The following BCCIP variants were observed in gnomAD, a reference collection of about 807,000 sequenced individuals.
BCCIP encodes BRCA2 and CDKN1A interacting protein, also known as BRCA2 and CDKN1A-interacting protein.
A neutral mutation model predicts 32.8 loss-of-function variants in BCCIP; 23 were observed. That is an observed-to-expected ratio of 0.70 (90% CI 0.51 to 0.99). The LOEUF (loss-of-function observed/expected upper bound fraction) is 0.99, where lower values mean the gene tolerates loss of function less well. Ranked by LOEUF, BCCIP falls within the 50% of genes least tolerant of loss-of-function variation. BCCIP has a pLI of 0.00. For synonymous variants in BCCIP, 144 were observed against 137.6 expected, an observed-to-expected ratio of 1.05 and a Z score of -0.33; for missense variants, 378 against 379.8, an observed-to-expected ratio of 1.00 and a Z score of 0.04.
In BCCIP at chr10:125,830,437, G is replaced by T. The variant is rs984237483; in HGVS notation, c.322-125G>T. 7.1e-5 allele frequency: 37 copies of T among 520,994 alleles called. No individual in the cohort carries two copies. The Middle Eastern group carries it at 1.5e-3, about 21-fold the overall frequency. The allele number at this position is 520,994 out of a possible 1,614,324, so 32.3% of individuals were successfully genotyped here. A position where few individuals can be genotyped will look rare whatever the true frequency, so the allele number is the denominator to read the frequency against. Reference sequence around the variant, plus strand: ...AAATACAATGCTTTCTAAGATGGCGGTGGTAAAACAAAGTTTTGCTTTTGA... The same window carrying T: ...AAATACAATGCTTTCTAAGATGGCGTTGGTAAAACAAAGTTTTGCTTTTGA... On this transcript the variant is annotated intron_variant, in intron 3 of 6. Coordinates refer to ENST00000278100, the MANE Select transcript of BCCIP (RefSeq NM_078468.3).
chr10:125,838,387 T>C (rs1226188514), downstream of BCCIP: 1 of 1,562,424 alleles, frequency 6.4e-7, no homozygotes, highest in East Asian at 2.3e-5. Context: ...TCCCGAGCAA[T>C]CTGAAAGGCA....
At chr10:125,842,354 C>T (rs562731569) in exon 7 of BCCIP, 5 of 165,200 alleles carry the variant, frequency 3.0e-5, no homozygotes, top group South Asian at 3.5e-4. Context: ...TACTGATCAG[C>T]GCATGTGTGT....
chr10:125,843,802 C>T (rs1854942869), downstream of BCCIP, among the ~76,000 whole-genome samples: 2 of 152,150 alleles, frequency 1.3e-5, no homozygotes, highest in South Asian at 2.1e-4. Context: ...TTCAGCCTGA[C>T]GCGCCCACCA....
downstream of BCCIP, among the ~76,000 whole-genome samples, chr10:125,844,079 T>G (rs1854949131): frequency 6.6e-6 from 1 of 152,148 alleles, no homozygotes; most frequent in Non-Finnish European, 1.5e-5. Flanking sequence ...TGGGGACCTT[T>G]GGACTAACCA....
At chr10:125,831,731 G>A (rs1854525173) in intron 5 of BCCIP, 124 bp downstream of exon 5, 1 of 879,224 alleles carries the variant, frequency 1.1e-6, no homozygotes, top group Non-Finnish European at 1.7e-6. Context: ...TGGGTTTAGT[G>A]TGAGGGGAGT....
chr10:125,827,940 C>G (rs1207104575), intron 3 of BCCIP, among the ~76,000 whole-genome samples: 2 of 142,606 alleles, frequency 1.4e-5, no homozygotes, highest in Admixed American at 1.5e-4. Context: ...GCACTCTAGC[C>G]GGGCAACACA....
downstream of BCCIP, chr10:125,836,954 C>G: frequency 1.0e-6 from 1 of 987,268 alleles, no homozygotes. Flanking sequence ...GAGAATCTAC[C>G]TGTAGAACCG....
At chr10:125,842,266 C>T (rs988825430) in exon 7 of BCCIP, 3 of 273,402 alleles carry the variant, frequency 1.1e-5, no homozygotes, top group Admixed American at 5.6e-5. Flanking sequence ...CCGGAACTCG[C>T]GGTCACAGTA....
downstream of BCCIP, chr10:125,836,589 A>C (rs1219467344): frequency 2.1e-6 from 3 of 1,454,800 alleles, no homozygotes; most frequent in Non-Finnish European, 2.8e-6. Context: ...CGTCCTGTGG[A>C]TGTGAAATCC....
downstream of BCCIP, chr10:125,840,865 G>C (rs1854857389): frequency 6.3e-7 from 1 of 1,595,352 alleles, no homozygotes; most frequent in African/African-American, 1.3e-5. Flanking sequence ...CTAGAATTCA[G>C]AGTTGTGTCT....
downstream of BCCIP, among the ~76,000 whole-genome samples, chr10:125,846,997 G>A (rs1369714897): frequency 2.0e-5 from 3 of 152,162 alleles, no homozygotes; most frequent in Non-Finnish European, 4.4e-5. Flanking sequence ...AGAGAGAAAT[G>A]CAGTTATCAC....
Position 125,835,557 on chromosome 10 carries a change from T to C in BCCIP, c.775-547T>C, listed in dbSNP as rs540257466. Among the ~76,000 whole-genome samples, 1,119 of 143,296 alleles carry C rather than the reference T, an allele frequency of 7.8e-3. 14 individuals are homozygous for C. Among genetic ancestry groups the C allele is most frequent in the African/African-American group, 0.027 (1,052 of 38,770 alleles). 94.0% of individuals were successfully genotyped at this position (143,296 alleles called of 152,430 possible). On this transcript the variant is annotated intron_variant, in intron 6 of 6. Coordinates refer to ENST00000278100, the MANE Select transcript of BCCIP (RefSeq NM_078468.3). ...TCACGCCACTGCACTCCAGCCTGGG[T>C]GACAGAGTGAGACTCTGTCTCAAAA...
chr10:125,838,301 T>C (rs774541874), downstream of BCCIP: 1 of 1,614,018 alleles, frequency 6.2e-7, no homozygotes. Context: ...TCTTGGTGAT[T>C]GAGTAACCAG....
Position 125,827,085 on chromosome 10 carries a change from G to A in BCCIP, c.240+420G>A, listed in dbSNP as rs565847678. On this transcript the variant is annotated intron_variant, in intron 2 of 6. Transcript: ENST00000278100. ...CATTTCTATCCTCTCCACCTTGCCT[G>A]GAAGGAAGAATTATTTCCTTTCATC... Among the ~76,000 whole-genome samples the A allele has an allele frequency of 2.0e-5, 3 of 149,878 alleles. No homozygotes were observed. The East Asian group carries it at 5.8e-4, about 29-fold the overall frequency.
intron 4 of BCCIP, among the ~76,000 whole-genome samples, chr10:125,831,098 G>A (rs1854511880): frequency 6.6e-6 from 1 of 152,216 alleles, no homozygotes; most frequent in Non-Finnish European, 1.5e-5. Context: ...AGAATAAGAT[G>A]CAGGCTACAC....
chr10:125,841,134 T>A, downstream of BCCIP: 1 of 1,374,088 alleles, frequency 7.3e-7, no homozygotes, highest in Non-Finnish European at 1.0e-6. Context: ...TATTCTTGTT[T>A]ACTTAGAAAT....
At chr10:125,849,445 A>G (rs2134039794) in intron 7 of BCCIP, among the ~76,000 whole-genome samples, 1 of 152,306 alleles carries the variant, frequency 6.6e-6, no homozygotes, top group Admixed American at 6.5e-5. Flanking sequence ...CTGGCCCTGG[A>G]AAGTTGTTTT....
chr10:125,828,488 AG>A (rs926864469), intron 3 of BCCIP, among the ~76,000 whole-genome samples: 1 of 152,146 alleles, frequency 6.6e-6, no homozygotes, highest in Admixed American at 6.5e-5. Flanking sequence ...CCAGCAAAGG[AG>A]ATTAAAAGGG....
chr10:125,848,282 T>C (rs1235913343), intron 7 of BCCIP, among the ~76,000 whole-genome samples: 1 of 152,184 alleles, frequency 6.6e-6, no homozygotes, highest in Non-Finnish European at 1.5e-5. Flanking sequence ...TCTGCTTCAC[T>C]TAATTTCACA....
Sources: gnomAD v4.1 joint callset for allele counts (sites outside exome capture counted in the v4.1 genomes callset) on GRCh38, gnomAD v4.1.1 for gene constraint, MANE v1.5 for transcripts, NCBI Gene and HGNC (gene_info 2026-07-23, HGNC 2026-07-21) for gene names.